ZNF618: variants seen among roughly 807,000 people sequenced by gnomAD.
ZNF618 encodes the protein zinc finger protein 618, also known as neural precursor cell expressed, developmentally down-regulated 10.
A neutral mutation model predicts 103.0 loss-of-function variants in ZNF618; 34 were observed. The observed-to-expected ratio is 0.33, with a 90% CI of 0.25 to 0.44. The LOEUF (loss-of-function observed/expected upper bound fraction) is 0.44. ZNF618 is among the 20% of genes least tolerant of loss of function. The pLI, the probability that ZNF618 is intolerant of heterozygous loss-of-function variation, is 1.00. For synonymous variants in ZNF618, 551 were observed against 542.2 expected (o/e 1.02, Z -0.23); for missense variants, 1,059 against 1,295.4 (o/e 0.82, Z 2.80).
At chr9:113,944,948 A>C (rs1391876794) in intron 1 of ZNF618, among the ~76,000 whole-genome samples, 2 of 152,192 alleles carry the variant, frequency 1.3e-5, no homozygotes, top group Non-Finnish European at 2.9e-5. Flanking sequence ...TGCACATAAA[A>C]AAGTGACATT....
chr9:114,033,025 A>G (rs961511098), intron 12 of ZNF618, among the ~76,000 whole-genome samples: 10 of 152,158 alleles, frequency 6.6e-5, no homozygotes, highest in African/African-American at 2.2e-4. Flanking sequence ...CTGACCCCAG[A>G]TGATTGGGCC....
At chr9:114,021,004 T>C (rs1425722958) in intron 10 of ZNF618, among the ~76,000 whole-genome samples, 1 of 152,136 alleles carries the variant, frequency 6.6e-6, no homozygotes, top group African/African-American at 2.4e-5. Context: ...TAAATTGATG[T>C]TGCATGTTTT....
chr9:113,897,458 A>T (rs924372751), intron 1 of ZNF618, among the ~76,000 whole-genome samples: 3 of 152,158 alleles, frequency 2.0e-5, no homozygotes, highest in Non-Finnish European at 4.4e-5. Context: ...TTTGAGGCTT[A>T]TTCCAGCCTC....
At chr9:113,960,122 C>T (rs1588156222) in intron 1 of ZNF618, among the ~76,000 whole-genome samples, 1 of 152,210 alleles carries the variant, frequency 6.6e-6, no homozygotes, top group Non-Finnish European at 1.5e-5. Flanking sequence ...TAATATGTGC[C>T]GGCGTCTTGC....
intron 1 of ZNF618, among the ~76,000 whole-genome samples, chr9:113,923,468 C>G (rs969215636): frequency 3.3e-5 from 5 of 152,126 alleles, no homozygotes; most frequent in African/African-American, 9.7e-5. Context: ...AAGTTACCCT[C>G]TTTTCCTAGC....
At chr9:113,922,676 C>G (rs975521867) in intron 1 of ZNF618, among the ~76,000 whole-genome samples, 1 of 151,910 alleles carries the variant, frequency 6.6e-6, no homozygotes, top group Non-Finnish European at 1.5e-5. Flanking sequence ...ATTCTTTCAC[C>G]AACACTACAC....
chr9:113,933,036 C>T (rs1833738056), intron 1 of ZNF618, among the ~76,000 whole-genome samples: 1 of 152,038 alleles, frequency 6.6e-6, no homozygotes, highest in Non-Finnish European at 1.5e-5. Context: ...TGGGAAGATG[C>T]CAGAGGGGTC....
intron 9 of ZNF618, chr9:114,016,133 A>T: frequency 6.2e-7 from 1 of 1,613,436 alleles, no homozygotes; most frequent in Non-Finnish European, 8.5e-7. Flanking sequence ...TACATCAGAC[A>T]TTTTTAAGAA....
rs551955844 is a variant in ZNF618, at chr9:113,940,618, G to GT, written c.34-28493dup. 1.5e-4 allele frequency among the ~76,000 whole-genome samples: 23 copies of GT among 152,100 alleles called. No homozygotes were observed. The South Asian group carries it at 3.7e-3, about 25-fold the overall frequency. The stretch of plus-strand genomic sequence containing the variant: ...TGATAATTATTTTGTTTGCCTTGGA[G>GT]TTTTTTACCACGTCTGCTTTTTATT... On this transcript the variant is annotated intron_variant, in intron 1 of 14. Coordinates refer to ENST00000374126, the MANE Select transcript of ZNF618 (RefSeq NM_001318042.2).
At chr9:113,962,886 C>T (rs754913789) in intron 1 of ZNF618, among the ~76,000 whole-genome samples, 14 of 152,150 alleles carry the variant, frequency 9.2e-5, no homozygotes, top group South Asian at 2.1e-4. Context: ...CTAATGTTAG[C>T]GTCTCCCCCC....
In ZNF618 at chr9:114,055,259, C is replaced by T. The variant is rs1846400904; in HGVS notation, c.*5092C>T. On this transcript the variant is annotated 3_prime_UTR_variant, in exon 15 of 15. Transcript: ENST00000374126. ...GGTGCCAGCCGGTCTCCGCCTAGGA[C>T]CTTCCCTCCCGCCCAGCCAGGGTGG... The T allele has an allele frequency of 6.6e-6, 1 of 152,314 alleles. No individual in the cohort carries two copies. The highest frequency in any genetic ancestry group is 2.4e-5 in the African/African-American group (1 of 41,444). 9.4% of individuals were successfully genotyped at this position (152,314 alleles called of 1,614,324 possible). A position where few individuals can be genotyped will look rare whatever the true frequency, so the allele number is the denominator to read the frequency against.
chr9:113,917,083 TCTGA>T (rs1015410520), intron 1 of ZNF618, among the ~76,000 whole-genome samples: 17 of 152,176 alleles, frequency 1.1e-4, no homozygotes, highest in African/African-American at 3.6e-4. Context: ...CACAGTTCAG[TCTGA>T]CTTTGTTTTT....
chr9:113,913,193 G>A (rs2131487801), intron 1 of ZNF618, among the ~76,000 whole-genome samples: 1 of 152,194 alleles, frequency 6.6e-6, no homozygotes, highest in Non-Finnish European at 1.5e-5. Flanking sequence ...ATCTCACTCA[G>A]TGCCCACCTG....
intron 1 of ZNF618, among the ~76,000 whole-genome samples, chr9:113,943,913 T>G (rs1834769693): frequency 6.6e-6 from 1 of 152,170 alleles, no homozygotes; most frequent in Admixed American, 6.5e-5. Context: ...TAACCTTGCT[T>G]TGCTGTGATT....
At chr9:113,913,447 A>T (rs1028349820) in intron 1 of ZNF618, among the ~76,000 whole-genome samples, 1 of 152,240 alleles carries the variant, frequency 6.6e-6, no homozygotes, top group Non-Finnish European at 1.5e-5. Flanking sequence ...AACACTAGCA[A>T]TGTTCTTTAG....
chr9:113,923,985 G>A (rs1832863104), intron 1 of ZNF618, among the ~76,000 whole-genome samples: 1 of 152,044 alleles, frequency 6.6e-6, no homozygotes, highest in Non-Finnish European at 1.5e-5. Context: ...TTGGATTTAA[G>A]ATGTTTGGAT....
intron 1 of ZNF618, among the ~76,000 whole-genome samples, chr9:113,915,651 G>A (rs1005730627): frequency 5.3e-5 from 8 of 152,154 alleles, no homozygotes; most frequent in African/African-American, 1.9e-4. Context: ...AATATTAGGT[G>A]GTCTACTTGA....
intron 1 of ZNF618, among the ~76,000 whole-genome samples, chr9:113,958,594 T>C (rs1836535809): frequency 6.6e-6 from 1 of 152,222 alleles, no homozygotes; most frequent in African/African-American, 2.4e-5. Flanking sequence ...ATTTTACAGA[T>C]AAAGGAACGG....
chr9:113,988,672 C>G (rs774362635), intron 3 of ZNF618, 92 bp downstream of exon 3: 31 of 1,458,776 alleles, frequency 2.1e-5, no homozygotes, highest in Non-Finnish European at 2.8e-5. Context: ...CCTCTGCCCC[C>G]TTCCTGGCTG....
Sources: allele counts gnomAD v4.1 joint callset (sites outside exome capture counted in the v4.1 genomes callset), GRCh38; gene constraint gnomAD v4.1.1; transcripts MANE v1.5; gene names NCBI Gene and HGNC (gene_info 2026-07-23, HGNC 2026-07-21).